The following ASTN1 variants were observed in gnomAD, a reference collection of about 807,000 sequenced individuals.
ASTN1 encodes astrotactin-1.
A neutral mutation model predicts 140.7 loss-of-function variants in ASTN1; 41 were observed. The ratio of observed to expected loss-of-function variants is 0.29; its 90% CI spans 0.23 to 0.38. ASTN1 has a LOEUF of 0.38. Among genes scored for constraint, ASTN1 ranks in the 10% least tolerant of loss-of-function variants. The pLI is 1.00. For synonymous variants in ASTN1, 640 were observed against 652.2 expected (o/e 0.98, Z 0.29); for missense variants, 1,479 against 1,678.8 (o/e 0.88, Z 2.08).
chr1:176,910,790 G>T (rs1326903398), intron 16 of ASTN1, among the ~76,000 whole-genome samples: 1 of 152,200 alleles, frequency 6.6e-6, no homozygotes, highest in Non-Finnish European at 1.5e-5. Flanking sequence ...TGAGCGGTGG[G>T]TGAGAGAGCA....
intron 20 of ASTN1, among the ~76,000 whole-genome samples, chr1:176,879,064 A>T (rs1401955675): frequency 6.6e-6 from 1 of 152,176 alleles, no homozygotes; most frequent in Non-Finnish European, 1.5e-5. Context: ...GGAGATAGGA[A>T]GTCCTGTTCT....
At chr1:177,022,540 G>A (rs143521950) in intron 7 of ASTN1, among the ~76,000 whole-genome samples, 2,225 of 152,236 alleles carry the variant, frequency 0.015, 30 homozygotes, top group Non-Finnish European at 0.023. Context: ...CAATGGGAGA[G>A]CTCTAATTCA....
At chr1:176,876,782 A>T (rs1668585185) in intron 20 of ASTN1, 145 bp from the exon 21 acceptor site, 1 of 731,046 alleles carries the variant, frequency 1.4e-6, no homozygotes, top group Non-Finnish European at 2.2e-6. Context: ...GTTTACTGCC[A>T]CCATCCCAGG....
chr1:177,039,539 G>C (rs937363192), intron 2 of ASTN1, among the ~76,000 whole-genome samples: 18 of 152,160 alleles, frequency 1.2e-4, no homozygotes, highest in African/African-American at 4.3e-4. Flanking sequence ...AAAGCAGTTG[G>C]ATAACTTCTC....
At chr1:176,985,724 A>G (rs540333411) in intron 8 of ASTN1, among the ~76,000 whole-genome samples, 79 of 152,168 alleles carry the variant, frequency 5.2e-4, no homozygotes, top group African/African-American at 1.8e-3. Flanking sequence ...TGACCACTCC[A>G]TCCTGTCCTT....
chr1:176,883,023 C>T (rs200356623), intron 19 of ASTN1, 29 bp from the exon 20 acceptor site: 2 of 1,613,068 alleles, frequency 1.2e-6, no homozygotes, highest in Non-Finnish European at 1.7e-6. Context: ...ATGGAAAAAG[C>T]ATGAGAAACA....
chr1:177,139,929 A>G (rs370388875), intron 1 of ASTN1, among the ~76,000 whole-genome samples: 221 of 152,314 alleles, frequency 1.5e-3, no homozygotes, highest in African/African-American at 5.0e-3. Flanking sequence ...TTCTGTATAT[A>G]GCTGATAGAT....
At chr1:176,882,312 C>T (rs534730433) in intron 20 of ASTN1, among the ~76,000 whole-genome samples, 2 of 152,326 alleles carry the variant, frequency 1.3e-5, no homozygotes, top group East Asian at 3.9e-4. Flanking sequence ...ACTCCTTGGA[C>T]TTATAGCATT....
chr1:176,931,075 G>A (rs1671186289), intron 16 of ASTN1, among the ~76,000 whole-genome samples: 1 of 152,134 alleles, frequency 6.6e-6, no homozygotes, highest in African/African-American at 2.4e-5. Flanking sequence ...AGGCATGTGG[G>A]CAAAGAACGA....
At chr1:177,030,751 G>A in intron 4 of ASTN1, 55 bp downstream of exon 4, 1 of 1,604,428 alleles carries the variant, frequency 6.2e-7, no homozygotes, top group Non-Finnish European at 8.5e-7. Context: ...TAATGGCCCT[G>A]CCTCTACCAA....
intron 21 of ASTN1, among the ~76,000 whole-genome samples, chr1:176,872,771 G>A (rs1339592147): frequency 1.3e-5 from 2 of 152,052 alleles, no homozygotes; most frequent in Non-Finnish European, 2.9e-5. Flanking sequence ...TCTCTGTACC[G>A]CTGCTCCCTG....
intron 1 of ASTN1, among the ~76,000 whole-genome samples, chr1:177,142,552 C>G (rs1478204008): frequency 6.6e-6 from 1 of 152,072 alleles, no homozygotes; most frequent in East Asian, 1.9e-4. Context: ...AGAAGACTGT[C>G]AAGTAGTAGC....
chr1:177,097,432 T>C (rs532133315), intron 1 of ASTN1, among the ~76,000 whole-genome samples: 2 of 152,324 alleles, frequency 1.3e-5, no homozygotes, highest in Non-Finnish European at 2.9e-5. Flanking sequence ...GTCTATTGAC[T>C]ATATGTCTCT....
In ASTN1 at chr1:177,000,648, C is replaced by T. The variant is rs545625753; in HGVS notation, c.1523+14143G>A. ...TACTATATATGGCAGCAGTCCTGAG[C>T]GTAGAAGTAGGAAATCAGCATATTC... On this transcript the variant is annotated intron_variant, in intron 8 of 22. Transcript: ENST00000361833. Among the ~76,000 whole-genome samples the T allele has an allele frequency of 7.9e-5, 12 of 152,276 alleles. No homozygotes were observed. In the East Asian group the frequency reaches 2.1e-3, roughly 27 times the overall value.
At chr1:176,957,980 C>T (rs762087868) in intron 10 of ASTN1, 152 bp from the exon 11 acceptor site, 73 of 1,078,994 alleles carry the variant, frequency 6.8e-5, no homozygotes, top group Non-Finnish European at 8.7e-5. Context: ...AAGCCTTGAA[C>T]TAACAAACGA....
chr1:177,135,716 A>G (rs949857256), intron 1 of ASTN1, among the ~76,000 whole-genome samples: 2 of 152,130 alleles, frequency 1.3e-5, no homozygotes, highest in Non-Finnish European at 2.9e-5. Context: ...CAGTTTCATC[A>G]TTTGTGATAC....
intron 12 of ASTN1, among the ~76,000 whole-genome samples, chr1:176,947,712 G>A (rs1424270819): frequency 1.3e-5 from 2 of 152,126 alleles, no homozygotes; most frequent in African/African-American, 4.8e-5. Context: ...TTCCCTCTCA[G>A]TCCACCTTGA....
At chr1:176,913,900 A>G (rs1239284501) in intron 16 of ASTN1, among the ~76,000 whole-genome samples, 1 of 152,228 alleles carries the variant, frequency 6.6e-6, no homozygotes, top group Non-Finnish European at 1.5e-5. Context: ...AAGTTTAACC[A>G]ACATTTGGTT....
intron 1 of ASTN1, among the ~76,000 whole-genome samples, chr1:177,119,710 G>A (rs1211795472): frequency 4.6e-5 from 7 of 152,090 alleles, no homozygotes; most frequent in African/African-American, 1.7e-4. Flanking sequence ...TGACCACTAC[G>A]GACTAGTGTG....
Sources: gnomAD v4.1 joint callset for allele counts (sites outside exome capture counted in the v4.1 genomes callset) on GRCh38, gnomAD v4.1.1 for gene constraint, MANE v1.5 for transcripts, NCBI Gene and HGNC (gene_info 2026-07-23, HGNC 2026-07-21) for gene names.